PDE1C: variants seen among roughly 807,000 people sequenced by gnomAD.
PDE1C encodes the protein phosphodiesterase 1C, also known as dual specificity calcium/calmodulin-dependent 3',5'-cyclic nucleotide phosphodiesterase 1C.
PDE1C carries 62 observed loss-of-function variants against 93.1 expected under a neutral mutation model. The observed-to-expected ratio is 0.67, with a 90% CI of 0.54 to 0.82. The LOEUF is 0.82. Among genes scored for constraint, PDE1C ranks in the 40% least tolerant of loss-of-function variants. The probability of loss-of-function intolerance (pLI) is 0.00; values close to 1 mark genes in which losing one functional copy is unlikely to be tolerated. For missense variants in PDE1C, 742 were observed against 884.6 expected (o/e 0.84, Z 2.04); for synonymous variants, 325 against 310.1 (o/e 1.05, Z -0.50).
rs570991755 is a variant in PDE1C at position 32,310,261 on chromosome 7, G to A, written c.311-100722C>T. Among the ~76,000 whole-genome samples the A allele has an allele frequency of 5.0e-3, 758 of 151,984 alleles. 10 individuals carry two copies. The highest frequency in any genetic ancestry group is 0.017 in the African/African-American group (710 of 41,432). ...CCCAGATTCATAAAGCAAGTCCTGA[G>A]TGACCTACAAAGAGACTTAGACTCC... On this transcript the variant is annotated intron_variant, in intron 1 of 1. Transcript: ENST00000672256.
chr7:31,619,528 C>G, the PDE1C span, among the ~76,000 whole-genome samples: 1 of 107,048 alleles, frequency 9.3e-6, no homozygotes, highest in South Asian at 4.2e-4. Flanking sequence ...GATTTATTTT[C>G]AATCTCCAAA....
chr7:32,017,905 C>A (rs906731287), intron 2 of PDE1C, among the ~76,000 whole-genome samples: 2 of 106,548 alleles, frequency 1.9e-5, no homozygotes, highest in Non-Finnish European at 4.2e-5. Flanking sequence ...ATGGTGAAAC[C>A]CTGTCTCTAC....
intron 1 of PDE1C, among the ~76,000 whole-genome samples, chr7:32,416,408 A>C (rs79500691): frequency 0.035 from 5,345 of 152,282 alleles, 326 homozygotes; most frequent in African/African-American, 0.12. Flanking sequence ...CTCACAATGT[A>C]AGCTTGGAGG....
intron 3 of PDE1C, among the ~76,000 whole-genome samples, chr7:32,087,337 A>G (rs577325684): frequency 0.011 from 1,679 of 152,256 alleles, 40 homozygotes; most frequent in African/African-American, 0.038. Context: ...CAATCATTAA[A>G]AAGTCAGGAA....
At chr7:31,761,091 G>T (rs553446853) in intron 17 of PDE1C, among the ~76,000 whole-genome samples, 127 of 152,204 alleles carry the variant, frequency 8.3e-4, no homozygotes, top group Non-Finnish European at 4.6e-4. Flanking sequence ...TATGTACTGG[G>T]CATGTATTTT....
At chr7:31,704,760 G>A in the PDE1C span, among the ~76,000 whole-genome samples, 1 of 152,174 alleles carries the variant, frequency 6.6e-6, no homozygotes, top group Non-Finnish European at 1.5e-5. Flanking sequence ...GGTAGGTTAA[G>A]TGAGTGCTCA....
chr7:31,794,077 C>CT (rs1784960713), intron 16 of PDE1C, among the ~76,000 whole-genome samples: 1 of 135,102 alleles, frequency 7.4e-6, no homozygotes, highest in Non-Finnish European at 1.6e-5. Flanking sequence ...GACAGACAGA[C>CT]AGACAGACAG....
intron 1 of PDE1C, among the ~76,000 whole-genome samples, chr7:32,370,391 G>A (rs1371016502): frequency 6.7e-6 from 1 of 150,008 alleles, no homozygotes; most frequent in Non-Finnish European, 1.5e-5. Flanking sequence ...AGAGCTTGCA[G>A]TGAGCTGAGA....
At chr7:31,996,870 G>C (rs561196586) in intron 2 of PDE1C, among the ~76,000 whole-genome samples, 4 of 152,180 alleles carry the variant, frequency 2.6e-5, no homozygotes, top group African/African-American at 9.6e-5. Context: ...AAAAGAAAGA[G>C]GGAGGTGATA....
intron 1 of PDE1C, among the ~76,000 whole-genome samples, chr7:32,225,506 A>G (rs1413218307): frequency 1.3e-5 from 2 of 152,190 alleles, no homozygotes; most frequent in Non-Finnish European, 2.9e-5. Context: ...TGAGAAGTCC[A>G]GGGCACTCAG....
intron 1 of PDE1C, among the ~76,000 whole-genome samples, chr7:32,293,678 C>G (rs1481707757): frequency 6.6e-6 from 1 of 152,130 alleles, no homozygotes. Context: ...AGACTGCAAG[C>G]CTCCGTTTGC....
intron 1 of PDE1C, among the ~76,000 whole-genome samples, chr7:32,060,817 T>C (rs1291503039): frequency 6.6e-6 from 1 of 152,218 alleles, no homozygotes; most frequent in African/African-American, 2.4e-5. Context: ...TTAATCCTTC[T>C]ATTTCACTAA....
chr7:31,747,112 T>C (rs1177346991), downstream of PDE1C, among the ~76,000 whole-genome samples: 1 of 152,208 alleles, frequency 6.6e-6, no homozygotes, highest in African/African-American at 2.4e-5. Flanking sequence ...CTGAATTCTA[T>C]GTTGGATGAC....
intron 2 of PDE1C, among the ~76,000 whole-genome samples, chr7:32,014,657 G>C (rs1787640163): frequency 6.6e-6 from 1 of 151,972 alleles, no homozygotes; most frequent in African/African-American, 2.4e-5. Flanking sequence ...TCCCCTCCCT[G>C]TGTCCATGTG....
chr7:32,260,327 T>C (rs1206569551), intron 1 of PDE1C, among the ~76,000 whole-genome samples: 3 of 152,246 alleles, frequency 2.0e-5, no homozygotes, highest in Non-Finnish European at 2.9e-5. Flanking sequence ...GGAAACCTTA[T>C]TCAACTTTTC....
chr7:32,110,582 G>A (rs1277163802), intron 3 of PDE1C, among the ~76,000 whole-genome samples: 1 of 152,158 alleles, frequency 6.6e-6, no homozygotes, highest in Non-Finnish European at 1.5e-5. Context: ...TGGTACTTCT[G>A]CCACCAACCT....
intron 2 of PDE1C, among the ~76,000 whole-genome samples, chr7:32,037,848 T>C (rs17160822): frequency 0.039 from 5,967 of 152,248 alleles, 136 homozygotes; most frequent in Middle Eastern, 0.085. Context: ...AGTAAACCTG[T>C]AGTGAAATGA....
At chr7:31,863,304 C>A (rs1438885479) in intron 7 of PDE1C, among the ~76,000 whole-genome samples, 1 of 152,052 alleles carries the variant, frequency 6.6e-6, no homozygotes, top group Non-Finnish European at 1.5e-5. Context: ...CTAGACCTAT[C>A]GAGGTATTTT....
the PDE1C span, among the ~76,000 whole-genome samples, chr7:31,711,509 T>C: frequency 1.3e-5 from 2 of 152,142 alleles, no homozygotes; most frequent in African/African-American, 2.4e-5. Context: ...ATTCTGAAAA[T>C]AGGGTCCAAA....
Sources: gnomAD v4.1 joint callset for allele counts (sites outside exome capture counted in the v4.1 genomes callset) on GRCh38, gnomAD v4.1.1 for gene constraint, MANE v1.5 for transcripts, NCBI Gene and HGNC (gene_info 2026-07-23, HGNC 2026-07-21) for gene names.